Variants in CHN2 observed in about 807,000 individuals in gnomAD.
CHN2 encodes beta-chimaerin.
A neutral mutation model predicts 56.3 loss-of-function variants in CHN2; 35 were observed. The ratio of observed to expected loss-of-function variants is 0.62; its 90% CI spans 0.47 to 0.82. The LOEUF is 0.82. Among genes scored for constraint, CHN2 ranks in the 40% least tolerant of loss-of-function variants. The pLI is 0.00. For missense variants in CHN2, 491 were observed against 580.5 expected, an observed-to-expected ratio of 0.85 and a Z score of 1.58; for synonymous variants, 210 against 212.8, an observed-to-expected ratio of 0.99 and a Z score of 0.12.
intron 3 of CHN2, among the ~76,000 whole-genome samples, chr7:29,377,291 TGGGATCACAGGC>T: frequency 6.6e-6 from 1 of 152,228 alleles, no homozygotes; most frequent in East Asian, 1.9e-4. Flanking sequence ...CCCAGAATGC[TGGGATCACAGGC>T]GTGAGCGACC....
rs1791536118 is a variant in CHN2 at position 29,279,783 on chromosome 7, G to A, written c.50-74842G>A. On this transcript the variant is annotated intron_variant, in intron 1 of 12. Transcript: ENST00000222792. The stretch of plus-strand genomic sequence containing the variant: ...CAAGTTGAATCTGGAAGATGGATTT[G>A]GAAACCAGTCTAGAGGTCCCAACTT... Among the ~76,000 whole-genome samples the A allele has an allele frequency of 2.6e-5, 4 of 152,302 alleles. No individual in the cohort carries two copies. The South Asian group carries it at 8.3e-4, about 32-fold the overall frequency.
intron 1 of CHN2, among the ~76,000 whole-genome samples, chr7:29,315,942 C>T (rs1187879285): frequency 1.3e-5 from 2 of 152,096 alleles, no homozygotes; most frequent in Non-Finnish European, 2.9e-5. Context: ...AATTAGAATA[C>T]ACAAAAGGCT....
intron 1 of CHN2, among the ~76,000 whole-genome samples, chr7:29,312,749 G>A (rs1794687403): frequency 6.6e-6 from 1 of 152,106 alleles, no homozygotes; most frequent in Non-Finnish European, 1.5e-5. Context: ...AGATGAAATT[G>A]ATGTATTAAG....
At chr7:29,177,554 C>T (rs1797517662) in intron 2 of CHN2, among the ~76,000 whole-genome samples, 1 of 148,304 alleles carries the variant, frequency 6.7e-6, no homozygotes, top group South Asian at 2.1e-4. Flanking sequence ...GTGCCTGGCC[C>T]CCTCACTTTT....
At chr7:29,328,183 C>G (rs922104691) in intron 1 of CHN2, among the ~76,000 whole-genome samples, 1 of 152,128 alleles carries the variant, frequency 6.6e-6, no homozygotes, top group South Asian at 2.1e-4. Flanking sequence ...GGATCTGGAA[C>G]CCGAGAAGTC....
intron 1 of CHN2, among the ~76,000 whole-genome samples, chr7:29,293,427 GC>G (rs1792840285): frequency 7.6e-6 from 1 of 131,056 alleles, no homozygotes. Flanking sequence ...TGGCTTTTCA[GC>G]CACGCTTGCG....
chr7:29,382,332 C>G (rs1800577688), intron 3 of CHN2, among the ~76,000 whole-genome samples: 2 of 152,218 alleles, frequency 1.3e-5, no homozygotes, highest in East Asian at 1.9e-4. Context: ...AGCAGAATCA[C>G]TGGCTCGAAG....
At chr7:29,361,608 T>G (rs962954695) in intron 2 of CHN2, among the ~76,000 whole-genome samples, 3 of 152,202 alleles carry the variant, frequency 2.0e-5, no homozygotes, top group Non-Finnish European at 4.4e-5. Context: ...AAGTCGCCCC[T>G]GGCTGGGGAT....
At chr7:29,334,235 G>C (rs1796446448) in intron 1 of CHN2, among the ~76,000 whole-genome samples, 1 of 151,812 alleles carries the variant, frequency 6.6e-6, no homozygotes, top group Admixed American at 6.6e-5. Flanking sequence ...ATTTTTAGTA[G>C]AGACAGGGTT....
intron 2 of CHN2, among the ~76,000 whole-genome samples, chr7:29,189,052 G>T (rs1799067111): frequency 6.7e-6 from 1 of 149,780 alleles, no homozygotes. Flanking sequence ...CTGGGTTCAA[G>T]CAATTCTCCT....
intron 3 of CHN2, among the ~76,000 whole-genome samples, chr7:29,390,271 TA>T (rs1329280592): frequency 6.6e-6 from 1 of 152,156 alleles, no homozygotes; most frequent in African/African-American, 2.4e-5. Flanking sequence ...GTAACACGAC[TA>T]CATATTTTCT....
intron 9 of CHN2, among the ~76,000 whole-genome samples, chr7:29,501,825 A>G (rs1342590983): frequency 1.3e-5 from 2 of 152,152 alleles, no homozygotes; most frequent in Non-Finnish European, 2.9e-5. Flanking sequence ...ATGTTCTTTT[A>G]TGTTCATTTG....
intron 1 of CHN2, among the ~76,000 whole-genome samples, chr7:29,342,496 G>A (rs1412882799): frequency 6.6e-6 from 1 of 152,144 alleles, no homozygotes; most frequent in Non-Finnish European, 1.5e-5. Flanking sequence ...TTAATGAGAG[G>A]TTTGTCTGTC....
chr7:29,412,257 A>G (rs184700704), intron 6 of CHN2, among the ~76,000 whole-genome samples: 2 of 149,124 alleles, frequency 1.3e-5, no homozygotes, highest in Admixed American at 1.3e-4. Flanking sequence ...CACAACATAT[A>G]TATATGTAGA....
chr7:29,193,190 T>G (rs980258758), upstream of CHN2: 1 of 152,140 alleles, frequency 6.6e-6, no homozygotes, highest in African/African-American at 2.4e-5. Context: ...CCTTTAACAG[T>G]TTAGCAAGGT....
At chr7:29,414,679 G>A (rs974401425) in intron 6 of CHN2, among the ~76,000 whole-genome samples, 2 of 152,078 alleles carry the variant, frequency 1.3e-5, no homozygotes, top group African/African-American at 4.8e-5. Context: ...CCCAACACAC[G>A]CATGCACACG....
chr7:29,273,308 G>GAAT (rs1229993665), intron 1 of CHN2, among the ~76,000 whole-genome samples: 1 of 124,492 alleles, frequency 8.0e-6, no homozygotes, highest in Non-Finnish European at 1.7e-5. Context: ...TTCTAAGGCT[G>GAAT]AATAATATTC....
In CHN2 at chr7:29,237,064, G is replaced by T. The variant is rs568826587; in HGVS notation, c.49+42074G>T. Among the ~76,000 whole-genome samples, 5 of 152,304 alleles carry T rather than the reference G, an allele frequency of 3.3e-5. No homozygotes were observed. In the South Asian group the frequency reaches 1.0e-3, roughly 32 times the overall value. On this transcript the variant is annotated intron_variant, in intron 1 of 12. Coordinates refer to ENST00000222792, the MANE Select transcript of CHN2 (RefSeq NM_004067.4). ...ATTCTGCCTACCCCAAGGTGCCAAG[G>T]ATGACAGTACCGAAACAGCTGAAGT...
At chr7:29,335,826 GAAT>G (rs1562526582) in intron 1 of CHN2, 1 of 152,256 alleles carries the variant, frequency 6.6e-6, no homozygotes, top group Non-Finnish European at 1.5e-5. Flanking sequence ...TTCCTAAAGA[GAAT>G]CTTAGTTTTC....
Sources: allele counts gnomAD v4.1 joint callset (sites outside exome capture counted in the v4.1 genomes callset), GRCh38; gene constraint gnomAD v4.1.1; transcripts MANE v1.5; gene names NCBI Gene and HGNC (gene_info 2026-07-23, HGNC 2026-07-21).